DCT: variants seen among roughly 807,000 people sequenced by gnomAD.
The protein encoded by DCT is L-dopachrome tautomerase.
Under a neutral mutation model 53.0 loss-of-function variants are expected in DCT, and 47 were observed. The ratio of observed to expected loss-of-function variants is 0.89; its 90% CI spans 0.70 to 1.13. The LOEUF (loss-of-function observed/expected upper bound fraction) is 1.13. Ranked by LOEUF, DCT falls within the 50% of genes most tolerant of loss-of-function variation. The pLI, the probability that DCT is intolerant of heterozygous loss-of-function variation, is 0.00. For missense variants in DCT, 669 were observed against 637.4 expected (o/e 1.05, Z -0.53); for synonymous variants, 244 against 237.0 (o/e 1.03, Z -0.27).
At chr13:94,507,503 C>CTTT in the DCT span, among the ~76,000 whole-genome samples, 49,216 of 139,980 alleles carry the variant, frequency 0.35, 9,019 homozygotes, top group East Asian at 0.6. Context: ...GGTATATTGA[C>CTTT]TTTTTTTTTT....
At chr13:94,521,902 T>C in the DCT span, among the ~76,000 whole-genome samples, 1 of 152,122 alleles carries the variant, frequency 6.6e-6, no homozygotes, top group East Asian at 1.9e-4. Context: ...ACCTAACATG[T>C]CCCAATCCCT....
chr13:94,469,035 G>T lies in DCT; in HGVS notation c.306C>A (p.Ala102=), dbSNP rs772624100. 1.9e-6 allele frequency: 3 copies of T among 1,611,522 alleles called. No homozygotes were observed. The highest frequency in any genetic ancestry group is 1.7e-6 in the Non-Finnish European group (2 of 1,177,788). Residue 102 remains alanine (A), a synonymous_variant, in exon 2 of 8, where the codon GCC becomes GCA. Coordinates refer to ENST00000377028, the MANE Select transcript of DCT (RefSeq NM_001922.5). ...ACTTGCAGTCTCCACAATTATAGCCGGCAAAGTTTCCTAGTTCACAAAACA... is the reference window on the plus strand; with the variant it reads ...ACTTGCAGTCTCCACAATTATAGCCTGCAAAGTTTCCTAGTTCACAAAACA... ...HRTCKCTGNF[A]GYNCGDCKFG...
chr13:94,446,656 C>A (rs145577346), intron 6 of DCT, among the ~76,000 whole-genome samples: 34 of 152,254 alleles, frequency 2.2e-4, no homozygotes, highest in African/African-American at 7.9e-4. Context: ...GACAGTGTCT[C>A]GCTTCTAGGC....
intron 6 of DCT, chr13:94,444,504 T>C (rs775014031): frequency 4.8e-6 from 2 of 415,878 alleles, no homozygotes; most frequent in Non-Finnish European, 9.5e-6. Context: ...CCTTTTAAAA[T>C]ATAGCAATTA....
At chr13:94,545,479 C>T in the DCT span, among the ~76,000 whole-genome samples, 4 of 152,102 alleles carry the variant, frequency 2.6e-5, no homozygotes, top group African/African-American at 9.7e-5. Flanking sequence ...TGACAGCTTT[C>T]CTAGTTTTTG....
chr13:94,476,473 T>C (rs1174303518), intron 1 of DCT, among the ~76,000 whole-genome samples: 3 of 145,618 alleles, frequency 2.1e-5, no homozygotes, highest in Non-Finnish European at 4.5e-5. Context: ...CACTTTCTTT[T>C]TTTTTTTTTT....
intron 1 of DCT, among the ~76,000 whole-genome samples, chr13:94,472,169 T>C (rs998957693): frequency 2.0e-5 from 3 of 152,142 alleles, no homozygotes; most frequent in African/African-American, 4.8e-5. Context: ...TACTCTTATT[T>C]TCTTTGCCAT....
chr13:94,482,120 C>T (rs1010437476), upstream of DCT, among the ~76,000 whole-genome samples: 4 of 152,154 alleles, frequency 2.6e-5, no homozygotes, highest in South Asian at 2.1e-4. Context: ...GGGGAGAGTC[C>T]GGCTGTGAGG....
the DCT span, among the ~76,000 whole-genome samples, chr13:94,509,756 A>C: frequency 7.2e-3 from 1,097 of 152,302 alleles, 16 homozygotes; most frequent in African/African-American, 0.023. Context: ...TGCTGTGAGA[A>C]TCAAGTGAGA....
At chr13:94,526,574 G>A in the DCT span, among the ~76,000 whole-genome samples, 1 of 152,242 alleles carries the variant, frequency 6.6e-6, no homozygotes, top group Middle Eastern at 3.4e-3. Flanking sequence ...AGGTTGCAGT[G>A]AGCTATGATT....
the DCT span, among the ~76,000 whole-genome samples, chr13:94,535,452 C>A: frequency 6.6e-6 from 1 of 152,218 alleles, no homozygotes; most frequent in African/African-American, 2.4e-5. Flanking sequence ...TGGAATGAGG[C>A]TCTGCCAGAA....
chr13:94,451,136 C>T lies in DCT; in HGVS notation c.1180-7499G>A, dbSNP rs376373952. On this transcript the variant is annotated intron_variant, in intron 6 of 7. Coordinates refer to ENST00000377028, the MANE Select transcript of DCT (RefSeq NM_001922.5). ...GGTCCAGCCACCCTCTCTGATTCCT[C>T]AGCTCTTATAAAACTCATCAAGATG... is the stretch of plus-strand genomic sequence containing the variant. Among the ~76,000 whole-genome samples the T allele has an allele frequency of 8.1e-4, 123 of 152,222 alleles. 1 individual carries two copies. The highest frequency in any genetic ancestry group is 5.0e-3 in the South Asian group (24 of 4,826).
the DCT span, among the ~76,000 whole-genome samples, chr13:94,489,154 A>G: frequency 6.6e-6 from 1 of 152,294 alleles, no homozygotes; most frequent in Non-Finnish European, 1.5e-5. Context: ...GTACATTTTG[A>G]ATTTTGAACC....
At chr13:94,488,721 TATACACACACACACACAC>T in the DCT span, among the ~76,000 whole-genome samples, 2 of 74,652 alleles carry the variant, frequency 2.7e-5, no homozygotes, top group African/African-American at 1.3e-4. Flanking sequence ...TTGTCTAATA[TATACACACACACACACAC>T]ACACACACAC....
the DCT span, among the ~76,000 whole-genome samples, chr13:94,523,458 G>A: frequency 6.6e-6 from 1 of 152,164 alleles, no homozygotes; most frequent in African/African-American, 2.4e-5. Flanking sequence ...GTACTGTGAT[G>A]CACCATCTAG....
At chr13:94,465,971 T>TATATATATAC (rs1884174089) in intron 3 of DCT, among the ~76,000 whole-genome samples, 172 bp from the exon 4 acceptor site, 1 of 2,590 alleles carries the variant, frequency 3.9e-4, no homozygotes, top group Non-Finnish European at 8.8e-4. Context: ...GTATATTTTA[T>TATATATATAC]ATATATATAT....
the DCT span, among the ~76,000 whole-genome samples, chr13:94,525,527 C>A: frequency 6.6e-6 from 1 of 152,202 alleles, no homozygotes; most frequent in Non-Finnish European, 1.5e-5. Flanking sequence ...TCTGTCTTTC[C>A]CTCATGTCAC....
intron 4 of DCT, among the ~76,000 whole-genome samples, chr13:94,464,163 T>C (rs890590002): frequency 5.9e-5 from 9 of 152,220 alleles, no homozygotes; most frequent in South Asian, 4.1e-4. Flanking sequence ...CTGAGCACTG[T>C]AGGAAATGTA....
At position 94,472,543 on chromosome 13, in the gene DCT, TATATATATATATATATATATA is replaced by T. The variant is rs1566854939; in HGVS notation, c.296-3519_296-3499del. 7.2e-4 allele frequency among the ~76,000 whole-genome samples: 25 copies of T among 34,656 alleles called. 1 individual carries two copies. The highest frequency in any genetic ancestry group is 2.1e-3 in the African/African-American group (15 of 7,038). 22.7% of individuals were successfully genotyped at this position (34,656 alleles called of 152,430 possible). A position where few individuals can be genotyped will look rare whatever the true frequency, so the allele number is the denominator to read the frequency against. On this transcript the variant is annotated intron_variant, in intron 1 of 7. Coordinates refer to ENST00000377028, the MANE Select transcript of DCT (RefSeq NM_001922.5). ...ATACATATATATATATATATATATA[TATATATATATATATATATATA>T]TATATTTTTTTTTTTTTTTTTTTTT...
Sources: allele counts gnomAD v4.1 joint callset (sites outside exome capture counted in the v4.1 genomes callset), GRCh38; gene constraint gnomAD v4.1.1; transcripts MANE v1.5; gene names NCBI Gene and HGNC (gene_info 2026-07-23, HGNC 2026-07-21).